The following NTN1 variants were observed in gnomAD, a reference collection of about 807,000 sequenced individuals.
NTN1 encodes the protein netrin 1.
Under a neutral mutation model 54.2 loss-of-function variants are expected in NTN1, and 11 were observed. That is an observed-to-expected ratio of 0.20 (90% CI 0.13 to 0.34). The LOEUF is 0.34. Among genes scored for constraint, NTN1 ranks in the 10% least tolerant of loss-of-function variants. NTN1 has a pLI of 1.00. For synonymous variants in NTN1, 371 were observed against 382.0 expected, an observed-to-expected ratio of 0.97 and a Z score of 0.33; for missense variants, 740 against 893.1, an observed-to-expected ratio of 0.83 and a Z score of 2.18.
At chr17:9,068,825 G>C (rs987467508) in intron 2 of NTN1, among the ~76,000 whole-genome samples, 10 of 152,002 alleles carry the variant, frequency 6.6e-5, no homozygotes, top group Admixed American at 2.0e-4. Context: ...TTAAAAAATA[G>C]GCCTTTTCTT....
In NTN1 at chr17:9,046,536, C is replaced by T. The variant is rs78598975; in HGVS notation, c.1018+23145C>T. 6.1e-3 allele frequency among the ~76,000 whole-genome samples: 924 copies of T among 152,284 alleles called. 9 individuals carry two copies. Among genetic ancestry groups the T allele is most frequent in the African/African-American group, 0.021 (860 of 41,552 alleles). On this transcript the variant is annotated intron_variant, in intron 2 of 6. Transcript: ENST00000173229. ...GCATGGTGGCTCATGCCTACGATCC[C>T]GGTACTTCGGGAGGCCAAGGTGGAA...
At chr17:9,091,801 C>T (rs1346405658) in intron 2 of NTN1, among the ~76,000 whole-genome samples, 1 of 152,028 alleles carries the variant, frequency 6.6e-6, no homozygotes, top group African/African-American at 2.4e-5. Flanking sequence ...AGTACATTCA[C>T]CATCATCACC....
At chr17:9,035,706 G>A (rs180728804) in intron 2 of NTN1, among the ~76,000 whole-genome samples, 5 of 152,178 alleles carry the variant, frequency 3.3e-5, no homozygotes, top group East Asian at 3.9e-4. Flanking sequence ...GCACATCACC[G>A]CACTTGGGTA....
chr17:9,006,360 C>T, the NTN1 span, among the ~76,000 whole-genome samples: 2 of 152,216 alleles, frequency 1.3e-5, no homozygotes, highest in East Asian at 1.9e-4. Context: ...GTCGCTGAGA[C>T]TATCCAGATG....
At chr17:9,021,634 G>T (rs1018175507) in intron 1 of NTN1, 49 bp downstream of exon 1, 34 of 151,552 alleles carry the variant, frequency 2.2e-4, no homozygotes, top group Non-Finnish European at 4.7e-4. Flanking sequence ...CTCCGAGCTC[G>T]GCGGGAGCGG....
chr17:9,182,365 C>T (rs1250679530), intron 4 of NTN1, among the ~76,000 whole-genome samples: 1 of 152,266 alleles, frequency 6.6e-6, no homozygotes, highest in African/African-American at 2.4e-5. Context: ...CAGTCCCATT[C>T]TGCCCATTAA....
intron 2 of NTN1, among the ~76,000 whole-genome samples, chr17:9,128,518 G>A (rs145420189): frequency 1.1e-3 from 168 of 152,262 alleles, no homozygotes; most frequent in African/African-American, 3.7e-3. Flanking sequence ...TCCTTGTCCC[G>A]GTGCAAAGCA....
intron 5 of NTN1, among the ~76,000 whole-genome samples, chr17:9,192,951 G>A (rs1183868023): frequency 3.9e-5 from 6 of 151,908 alleles, no homozygotes; most frequent in Admixed American, 1.3e-4. Context: ...ATGGTGGCAC[G>A]CGCCTGTAGT....
intron 5 of NTN1, among the ~76,000 whole-genome samples, chr17:9,204,193 C>CCTTCCTTCCTTCCTTCCTTCCTTCCT (rs1555576114): frequency 2.7e-5 from 4 of 147,152 alleles, no homozygotes; most frequent in East Asian, 4.0e-4. Flanking sequence ...CCTTCCTTCC[C>CCTTCCTTCCTTCCTTCCTTCCTTCCT]TCCTTCCTTC....
Position 9,239,692 on chromosome 17 carries a change from C to A in NTN1, c.1539C>A (p.Phe513Leu). The A allele has an allele frequency of 1.2e-6, 2 of 1,613,206 alleles. No individual in the cohort carries two copies. Among genetic ancestry groups the A allele is most frequent in the Non-Finnish European group, 1.7e-6 (2 of 1,179,512 alleles). ...ACAAGGCGGGGGACTGGTGGAAGTT[C>A]ACGGTGAACATCATCTCCGTGTATA... ...KADKAGDWWK[F>L]TVNIISVYKQ... is the part of the protein sequence containing the mutation. The change falls in exon 7 of 7, where the codon TTC (phenylalanine) becomes TTA (leucine). Residue 513 changes from phenylalanine (F) to leucine (L), a missense_variant. Coordinates refer to ENST00000173229, the MANE Select transcript of NTN1 (RefSeq NM_004822.3). The surrounding 1 kb of genome is among the most constrained non-coding windows in gnomAD (Gnocchi z 5.2).
rs76274846 is a variant in NTN1 at position 9,218,854 on chromosome 17, G to A, written c.1412-2314G>A. 2.6e-3 allele frequency among the ~76,000 whole-genome samples: 395 copies of A among 152,046 alleles called. 9 individuals are homozygous for A. In the East Asian group the frequency reaches 0.059, roughly 23 times the overall value. ...CGCCTTGGCCCATGGTGAGGAGGCC[G>A]GTGAAAGGGATTTCCTCCTGATTGG... On this transcript the variant is annotated intron_variant, in intron 5 of 6. Coordinates refer to ENST00000173229, the MANE Select transcript of NTN1 (RefSeq NM_004822.3).
intron 2 of NTN1, among the ~76,000 whole-genome samples, chr17:9,035,169 A>G (rs1462904965): frequency 6.6e-6 from 1 of 151,664 alleles, no homozygotes; most frequent in Non-Finnish European, 1.5e-5. Flanking sequence ...GATGGTCTCG[A>G]TCTCCTGACC....
chr17:9,100,221 G>A (rs1057210388), intron 2 of NTN1, among the ~76,000 whole-genome samples: 4 of 151,996 alleles, frequency 2.6e-5, no homozygotes, highest in Non-Finnish European at 5.9e-5. Context: ...CATAATTTTT[G>A]TATAATTTTG....
intron 5 of NTN1, among the ~76,000 whole-genome samples, chr17:9,200,899 G>A (rs1301970735): frequency 6.6e-6 from 1 of 152,162 alleles, no homozygotes; most frequent in Non-Finnish European, 1.5e-5. Context: ...AACCTTTGGT[G>A]GGCCTGAGCC....
intron 2 of NTN1, among the ~76,000 whole-genome samples, chr17:9,088,443 G>A (rs1284805764): frequency 6.6e-6 from 1 of 152,116 alleles, no homozygotes; most frequent in Non-Finnish European, 1.5e-5. Context: ...TATGAAACAA[G>A]GGATTGGCCT....
At chr17:9,130,177 G>A (rs2092260073) in intron 2 of NTN1, among the ~76,000 whole-genome samples, 1 of 152,114 alleles carries the variant, frequency 6.6e-6, no homozygotes, top group South Asian at 2.1e-4. Flanking sequence ...ATAGGTGTGG[G>A]TTTCTCACCT....
At position 9,068,512 on chromosome 17, in the gene NTN1, AT is replaced by A. The variant is rs34047213; in HGVS notation, c.1018+45136del. ...ATTATGTGTGTGTGTGTATGTGTGA[AT>A]TTTTTTTTTTTTTTGAGATGGAGTT... On this transcript the variant is annotated intron_variant, in intron 2 of 6. Coordinates refer to ENST00000173229, the MANE Select transcript of NTN1 (RefSeq NM_004822.3). Among the ~76,000 whole-genome samples the A allele has an allele frequency of 4.0e-3, 571 of 141,032 alleles. 3 individuals carry two copies. The highest frequency in any genetic ancestry group is 8.5e-3 in the African/African-American group (325 of 38,102). 92.5% of individuals were successfully genotyped at this position (141,032 alleles called of 152,430 possible). A position where few individuals can be genotyped will look rare whatever the true frequency, so the allele number is the denominator to read the frequency against.
rs1372734346 is a variant in NTN1, at chr17:9,103,905, G to A, written c.1019-58908G>A. ...GTTCAAGACCAGCCTGACCAACTTGGCGAAACTCCATCTCTACTAAAAAAT... is the reference window on the plus strand; with the variant it reads ...GTTCAAGACCAGCCTGACCAACTTGACGAAACTCCATCTCTACTAAAAAAT... On this transcript the variant is annotated intron_variant, in intron 2 of 6. Transcript: ENST00000173229. Among the ~76,000 whole-genome samples the A allele has an allele frequency of 2.6e-5, 4 of 151,940 alleles. No homozygotes were observed. The East Asian group carries it at 7.8e-4, about 29-fold the overall frequency.
At chr17:9,058,453 C>A (rs922186259) in intron 2 of NTN1, among the ~76,000 whole-genome samples, 1 of 150,898 alleles carries the variant, frequency 6.6e-6, no homozygotes, top group Admixed American at 6.6e-5. Flanking sequence ...GAATTATGTA[C>A]GTTTCTGTGT....
Sources: allele counts gnomAD v4.1 joint callset (sites outside exome capture counted in the v4.1 genomes callset), GRCh38; gene constraint gnomAD v4.1.1; non-coding constraint Gnocchi (gnomAD v3.1); transcripts MANE v1.5; gene names NCBI Gene and HGNC (gene_info 2026-07-23, HGNC 2026-07-21).